The following DACH2 variants were observed in gnomAD, a reference collection of about 807,000 sequenced individuals.
The protein encoded by DACH2 is dachshund family transcription factor 2.
Under a neutral mutation model 35.8 loss-of-function variants are expected in DACH2, and 17 were observed. The observed-to-expected ratio is 0.48, with a 90% CI of 0.33 to 0.71. The LOEUF (loss-of-function observed/expected upper bound fraction) is 0.71, where lower values mean the gene tolerates loss of function less well. DACH2 is among the 30% of genes least tolerant of loss of function. The pLI is 0.02. For synonymous variants in DACH2, 195 were observed against 177.3 expected, an observed-to-expected ratio of 1.10 and a Z score of -0.79; for missense variants, 469 against 472.7, an observed-to-expected ratio of 0.99 and a Z score of 0.07.
At chrX:86,342,506 A>G (rs933938427) in intron 1 of DACH2, among the ~76,000 whole-genome samples, 3 of 110,042 alleles carry the variant, frequency 2.7e-5, no homozygotes, top group African/African-American at 9.9e-5. Flanking sequence ...CCCTGTCTCA[A>G]GAAAATAAAA....
At chrX:86,270,043 T>A (rs759612526) in intron 1 of DACH2, among the ~76,000 whole-genome samples, 1,154 of 100,796 alleles carry the variant, frequency 0.011, 10 homozygotes, top group African/African-American at 0.029. Context: ...ATATATATTT[T>A]TTTTTTTTCC....
chrX:86,157,025 A>C (rs2030569651), intron 1 of DACH2, among the ~76,000 whole-genome samples: 1 of 111,068 alleles, frequency 9.0e-6, no homozygotes, highest in African/African-American at 3.3e-5. Flanking sequence ...CCTTTAATCT[A>C]GGAACCCTGA....
chrX:86,429,235 C>T (rs2036943226), intron 2 of DACH2, among the ~76,000 whole-genome samples: 1 of 111,307 alleles, frequency 9.0e-6, no homozygotes, highest in East Asian at 2.8e-4. Flanking sequence ...AAATTGGAAT[C>T]TTAACAAAGT....
chrX:86,170,564 A>G (rs2031092357), intron 1 of DACH2, among the ~76,000 whole-genome samples: 1 of 111,870 alleles, frequency 8.9e-6, no homozygotes, highest in Non-Finnish European at 1.9e-5. Flanking sequence ...CACAAGACTT[A>G]GTCTTTCCCA....
chrX:86,591,393 G>A (rs965815728), intron 3 of DACH2, among the ~76,000 whole-genome samples: 4 of 111,379 alleles, frequency 3.6e-5, no homozygotes, highest in African/African-American at 9.8e-5. Flanking sequence ...CTGAGGAATC[G>A]CCACACTGAC....
chrX:86,739,734 C>G lies in DACH2; in HGVS notation c.1105-13C>G. The G allele has an allele frequency of 8.6e-7, 1 of 1,166,370 alleles. No homozygotes were observed. On this transcript the variant is annotated splice_polypyrimidine_tract_variant and intron_variant, in intron 6 of 11. Transcript: ENST00000373125. ...ATAGATGACATTTCCTTTTGTGTTT[C>G]CTTTTGTGTCAGGAGCGGATCCCAG...
At chrX:86,558,520 G>T (rs1428203822) in intron 3 of DACH2, among the ~76,000 whole-genome samples, 1 of 4,422 alleles carries the variant, frequency 2.3e-4, no homozygotes, top group Non-Finnish European at 3.4e-4. Flanking sequence ...AATGGTACCA[G>T]TTCCTCCTTG....
chrX:86,297,569 T>C (rs1464913273), intron 1 of DACH2, among the ~76,000 whole-genome samples: 2 of 112,011 alleles, frequency 1.8e-5, no homozygotes, highest in East Asian at 5.6e-4. Flanking sequence ...AGTCAGATTG[T>C]ATAAGGCTGT....
chrX:86,181,260 C>T (rs776356568), intron 1 of DACH2, among the ~76,000 whole-genome samples: 90 of 109,890 alleles, frequency 8.2e-4, no homozygotes, highest in Admixed American at 1.4e-3. Flanking sequence ...TAGGTCTACA[C>T]ATGCCATGGT....
chrX:86,196,124 G>T (rs751393929), intron 1 of DACH2, among the ~76,000 whole-genome samples: 2 of 111,357 alleles, frequency 1.8e-5, no homozygotes, highest in South Asian at 7.6e-4. Context: ...TAAGAATATG[G>T]ATAGGAATTA....
chrX:86,813,097 A>T, intron 8 of DACH2, 33 bp from the exon 9 acceptor site: 1 of 1,191,454 alleles, frequency 8.4e-7, no homozygotes, highest in South Asian at 1.9e-5. Flanking sequence ...AACAGATAAG[A>T]TGAACTGCAT....
chrX:86,651,081 T>C lies in DACH2; in HGVS notation c.686T>C (p.Met229Thr), dbSNP rs1365654245. 1 of 1,208,554 alleles carries C rather than the reference T, an allele frequency of 8.3e-7. No homozygotes were observed. Among genetic ancestry groups the C allele is most frequent in the South Asian group, 1.8e-5 (1 of 56,418 alleles). ...GCTGAGGCGATGAAACTTCAGAAGATGAAGCTTATGGCTATGAACACTCTT... is the reference window on the plus strand; with the variant it reads ...GCTGAGGCGATGAAACTTCAGAAGACGAAGCTTATGGCTATGAACACTCTT... ...AMAEAMKLQK[M>T]KLMAMNTLQG... The change falls in exon 4 of 12, where the codon ATG becomes ACG. Residue 229 changes from methionine (M) to threonine (T), a missense_variant. Coordinates refer to ENST00000373125, the MANE Select transcript of DACH2 (RefSeq NM_053281.3).
chrX:86,321,043 C>T (rs2035006189), intron 1 of DACH2, among the ~76,000 whole-genome samples: 1 of 111,647 alleles, frequency 9.0e-6, no homozygotes, highest in Non-Finnish European at 1.9e-5. Flanking sequence ...TGGGCTTAAT[C>T]TTCTCCTCAC....
chrX:86,606,003 C>G (rs2039853186), intron 3 of DACH2, among the ~76,000 whole-genome samples: 1 of 110,744 alleles, frequency 9.0e-6, no homozygotes, highest in Non-Finnish European at 1.9e-5. Context: ...ACTATGGTCC[C>G]CATGTGATAC....
intron 3 of DACH2, among the ~76,000 whole-genome samples, chrX:86,538,949 G>A (rs1465113521): frequency 1.8e-5 from 2 of 111,599 alleles, no homozygotes; most frequent in African/African-American, 6.5e-5. Context: ...GTTAGAAATA[G>A]CTATAGGTGT....
intron 2 of DACH2, among the ~76,000 whole-genome samples, chrX:86,513,206 G>T (rs934775697): frequency 2.6e-4 from 29 of 111,785 alleles, no homozygotes; most frequent in African/African-American, 9.4e-4. Context: ...TCATTTTGGG[G>T]TATGTTCTCT....
intron 7 of DACH2, among the ~76,000 whole-genome samples, chrX:86,784,851 T>C (rs1361622522): frequency 2.7e-5 from 3 of 111,472 alleles, no homozygotes; most frequent in African/African-American, 9.8e-5. Flanking sequence ...CTGGAGGCCA[T>C]TATCCTAAGC....
At chrX:86,270,110 G>T (rs374376282) in intron 1 of DACH2, among the ~76,000 whole-genome samples, 1 of 104,251 alleles carries the variant, frequency 9.6e-6, no homozygotes, top group African/African-American at 3.5e-5. Flanking sequence ...CTTCCACTGG[G>T]TTGGCTTGGC....
At chrX:86,442,745 A>T (rs150725997) in intron 2 of DACH2, among the ~76,000 whole-genome samples, 2 of 110,979 alleles carry the variant, frequency 1.8e-5, no homozygotes. Flanking sequence ...GAGATAAGGG[A>T]CTTCTAGCTT....
Sources: gnomAD v4.1 joint callset for allele counts (sites outside exome capture counted in the v4.1 genomes callset) on GRCh38, gnomAD v4.1.1 for gene constraint, MANE v1.5 for transcripts, NCBI Gene and HGNC (gene_info 2026-07-23, HGNC 2026-07-21) for gene names.